The following BRIP1 variants were observed in gnomAD, a reference collection of about 807,000 sequenced individuals.
BRIP1 encodes Fanconi anemia group J protein.
BRIP1 carries 88 observed loss-of-function variants against 119.7 expected under a neutral mutation model. The ratio of observed to expected loss-of-function variants is 0.74; its 90% CI spans 0.62 to 0.88. BRIP1 has a LOEUF of 0.88. BRIP1 is among the 40% of genes least tolerant of loss of function. BRIP1 has a pLI of 0.00. For missense variants in BRIP1, 1,259 were observed against 1,455.4 expected, an observed-to-expected ratio of 0.87 and a Z score of 2.20; for synonymous variants, 443 against 496.5, an observed-to-expected ratio of 0.89 and a Z score of 1.43.
Position 61,684,037 on chromosome 17 carries a change from T to G in BRIP1, c.3009A>C (p.Ser1003=), listed in dbSNP as rs751823379. The G allele has an allele frequency of 6.2e-7, 1 of 1,613,944 alleles. No homozygotes were observed. Among genetic ancestry groups the G allele is most frequent in the Non-Finnish European group, 8.5e-7 (1 of 1,179,986 alleles). The change falls in exon 20 of 20, where the codon TCA becomes TCC. Residue 1003 remains serine (S), a synonymous_variant. Coordinates refer to ENST00000259008, the MANE Select transcript of BRIP1 (RefSeq NM_032043.3). This position sits in a 1 kb window ranked among gnomAD's most constrained non-coding sequence, Gnocchi z 4.5. ...FNKQTKRVSW[S]SFNSLGQYFT... ...AATACTGTCCCAAAGAATTAAAGCT[T>G]GACCAGCTAACTCTCTTTGTTTGTT...
chr17:61,818,431 G>C (rs1283340768), intron 6 of BRIP1, among the ~76,000 whole-genome samples: 1 of 152,128 alleles, frequency 6.6e-6, no homozygotes, highest in African/African-American at 2.4e-5. Context: ...CCAAGAACTT[G>C]TATTTGGGGC....
chr17:61,859,745 T>C, intron 3 of BRIP1, 51 bp downstream of exon 3: 1 of 1,156,294 alleles, frequency 8.6e-7, no homozygotes, highest in Non-Finnish European at 1.3e-6. Flanking sequence ...TACTGTATTA[T>C]ATTTTCTCAG....
Position 61,846,990 on chromosome 17 carries a change from T to A in BRIP1, c.627+111A>T, listed in dbSNP as rs566429695. Reference sequence around the variant, plus strand: ...TGTGACAGCATTGAGGACTTCTGAGTGGGTTGCTACTGTCCTTTGTATTAT... The same window carrying A: ...TGTGACAGCATTGAGGACTTCTGAGAGGGTTGCTACTGTCCTTTGTATTAT... On this transcript the variant is annotated intron_variant, in intron 6 of 19. Transcript: ENST00000259008. The surrounding 1 kb of genome is among the most constrained non-coding windows in gnomAD (Gnocchi z 4.3). 5.2e-5 allele frequency: 69 copies of A among 1,324,198 alleles called. 1 individual carries two copies. In the South Asian group the frequency reaches 7.9e-4, roughly 15 times the overall value. The allele number at this position is 1,324,198 out of a possible 1,614,324, so 82.0% of individuals were successfully genotyped here.
chr17:61,855,983 C>G (rs920475981), intron 4 of BRIP1, among the ~76,000 whole-genome samples: 4 of 151,950 alleles, frequency 2.6e-5, no homozygotes, highest in Admixed American at 2.0e-4. Context: ...GATGGATACC[C>G]CAAGGAAGTC....
At position 61,861,557 on chromosome 17, in the gene BRIP1, T is replaced by C; in HGVS notation, c.-18A>G. The C allele has an allele frequency of 6.4e-7, 1 of 1,550,762 alleles. No homozygotes were observed. Among genetic ancestry groups the C allele is most frequent in the Non-Finnish European group, 8.9e-7 (1 of 1,122,624 alleles). On this transcript the variant is annotated 5_prime_UTR_variant, in exon 2 of 20. Transcript: ENST00000259008. The surrounding 1 kb of genome is among the most constrained non-coding windows in gnomAD (Gnocchi z 4.5). Reference sequence around the variant, plus strand: ...GAAGACATAGTGCTTTCCTGTTTATTTCAGATTCCTAACTACAACAGAAAT... The same window carrying C: ...GAAGACATAGTGCTTTCCTGTTTATCTCAGATTCCTAACTACAACAGAAAT...
Position 61,799,351 on chromosome 17 carries a change from A to C in BRIP1, c.1141-52T>G, listed in dbSNP as rs531152838. On this transcript the variant is annotated intron_variant, in intron 8 of 19. Coordinates refer to ENST00000259008, the MANE Select transcript of BRIP1 (RefSeq NM_032043.3). The surrounding 1 kb of genome is among the most constrained non-coding windows in gnomAD (Gnocchi z 5.1). Reference sequence around the variant, plus strand: ...AAACATTTGGCAAAATAGATTTAACAACAGCAGGCAAGATATTTCATTTTA... The same window carrying C: ...AAACATTTGGCAAAATAGATTTAACCACAGCAGGCAAGATATTTCATTTTA... The C allele has an allele frequency of 7.3e-7, 1 of 1,363,034 alleles. No individual in the cohort carries two copies. The highest frequency in any genetic ancestry group is 1.0e-6 in the Non-Finnish European group (1 of 963,182). 84.4% of individuals were successfully genotyped at this position (1,363,034 alleles called of 1,614,324 possible). A position where few individuals can be genotyped will look rare whatever the true frequency, so the allele number is the denominator to read the frequency against.
rs1322892682 is a variant in BRIP1, at chr17:61,745,357, A to G, written c.2098-766T>C. Among the ~76,000 whole-genome samples the G allele has an allele frequency of 6.6e-6, 1 of 152,182 alleles. No individual in the cohort carries two copies. Among genetic ancestry groups the G allele is most frequent in the Admixed American group, 6.5e-5 (1 of 15,278 alleles). ...TGGTAGATTAAAAGTCAAGCCCAAA[A>G]CAAAAACTCATCTTGATTGATTGAT... On this transcript the variant is annotated intron_variant, in intron 14 of 19. Transcript: ENST00000259008. This position sits in a 1 kb window ranked among gnomAD's most constrained non-coding sequence, Gnocchi z 4.4.
Position 61,731,952 on chromosome 17 carries a change from C to CT in BRIP1, c.2379+11060dup, listed in dbSNP as rs1170823788. On this transcript the variant is annotated intron_variant, in intron 16 of 19. Transcript: ENST00000259008. ...GTTGCTTTATTATTCTGAATAGTTG[C>CT]TTTTTTTCTTTTCTTTCTTTCTTTC... 6.8e-5 allele frequency among the ~76,000 whole-genome samples: 9 copies of CT among 131,526 alleles called. No homozygotes were observed. In the East Asian group the frequency reaches 1.1e-3, roughly 16 times the overall value. The allele number at this position is 131,526 out of a possible 152,430, so 86.3% of individuals were successfully genotyped here.
chr17:61,773,791 T>A (rs924696245), intron 14 of BRIP1, among the ~76,000 whole-genome samples: 1 of 152,082 alleles, frequency 6.6e-6, no homozygotes, highest in African/African-American at 2.4e-5. Flanking sequence ...GAACAGACAC[T>A]TCTCAAAAGA....
intron 16 of BRIP1, among the ~76,000 whole-genome samples, chr17:61,732,276 C>T (rs7213470): frequency 0.73 from 111,610 of 151,954 alleles, 41,566 homozygotes; most frequent in Middle Eastern, 0.81. Context: ...CCACTGCACC[C>T]GGCCTATTCT....
rs1166050548 is a variant in BRIP1, at chr17:61,680,011, ATTT to A, written c.*3282_*3284del. On this transcript the variant is annotated 3_prime_UTR_variant, in exon 20 of 20. Transcript: ENST00000259008. ...TCTATGTACATTCTCAGTAATGAAA[ATTT>A]TTAACTTCAGGGAGAATTAAATTTT... 2.6e-5 allele frequency among the ~76,000 whole-genome samples: 4 copies of A among 152,036 alleles called. No individual in the cohort carries two copies. The highest frequency in any genetic ancestry group is 4.8e-5 in the African/African-American group (2 of 41,390).
chr17:61,812,753 T>C (rs1319597887), intron 6 of BRIP1, among the ~76,000 whole-genome samples: 1 of 152,168 alleles, frequency 6.6e-6, no homozygotes, highest in Non-Finnish European at 1.5e-5. Flanking sequence ...AAATTTTTCT[T>C]GTGTTTAATA....
rs567242749 is a variant in BRIP1 at position 61,810,878 on chromosome 17, T to G, written c.628-2121A>C. ...TAGAAAGGGATGCTATTATACAGTTTTACAACTAGATACTTTGTTTTCAAA... is the reference window on the plus strand; with the variant it reads ...TAGAAAGGGATGCTATTATACAGTTGTACAACTAGATACTTTGTTTTCAAA... On this transcript the variant is annotated intron_variant, in intron 6 of 19. Coordinates refer to ENST00000259008, the MANE Select transcript of BRIP1 (RefSeq NM_032043.3). The surrounding 1 kb of genome is among the most constrained non-coding windows in gnomAD (Gnocchi z 4.7). Among the ~76,000 whole-genome samples, 58 of 152,222 alleles carry G rather than the reference T, an allele frequency of 3.8e-4. No homozygotes were observed. The highest frequency in any genetic ancestry group is 3.1e-4 in the Non-Finnish European group (21 of 68,028).
rs1237101887 is a variant in BRIP1, at chr17:61,845,254, T to C, written c.627+1847A>G. Among the ~76,000 whole-genome samples the C allele has an allele frequency of 6.6e-6, 1 of 152,152 alleles. No homozygotes were observed. Among genetic ancestry groups the C allele is most frequent in the African/African-American group, 2.4e-5 (1 of 41,434 alleles). On this transcript the variant is annotated intron_variant, in intron 6 of 19. Transcript: ENST00000259008. This position sits in a 1 kb window ranked among gnomAD's most constrained non-coding sequence, Gnocchi z 4.2. ...GTGAAGATCACCAACAAAACACAAA[T>C]TAAATGTACAGTAACTGAAAACAAA...
chr17:61,728,654 A>G (rs1388851739), intron 16 of BRIP1, among the ~76,000 whole-genome samples: 1 of 152,076 alleles, frequency 6.6e-6, no homozygotes, highest in Non-Finnish European at 1.5e-5. Flanking sequence ...AGCAAGAAAC[A>G]AGAGGAAGAT....
rs544226587 is a variant in BRIP1, at chr17:61,691,990, T to C, written c.2575+1440A>G. ...CAGCGGATCTTCAACAGGGTGTCAT[T>C]GGGGATTGATATGCTTTGGTTATTT... On this transcript the variant is annotated intron_variant, in intron 18 of 19. Coordinates refer to ENST00000259008, the MANE Select transcript of BRIP1 (RefSeq NM_032043.3). This position sits in a 1 kb window ranked among gnomAD's most constrained non-coding sequence, Gnocchi z 5.0. Among the ~76,000 whole-genome samples the C allele has an allele frequency of 3.3e-5, 5 of 152,300 alleles. No homozygotes were observed. In the South Asian group the frequency reaches 8.3e-4, roughly 25 times the overall value.
chr17:61,766,877 C>G (rs1306562559), intron 14 of BRIP1, among the ~76,000 whole-genome samples: 2 of 151,978 alleles, frequency 1.3e-5, no homozygotes, highest in African/African-American at 4.8e-5. Flanking sequence ...TTTCTATTCT[C>G]TTTATATGGA....
chr17:61,714,924 C>T (rs1473320057), intron 17 of BRIP1, among the ~76,000 whole-genome samples: 2 of 151,588 alleles, frequency 1.3e-5, no homozygotes, highest in South Asian at 2.1e-4. Context: ...ACCTCAGCCT[C>T]CCGAGTAGCT....
At position 61,805,715 on chromosome 17, in the gene BRIP1, G is replaced by A. The variant is rs983636713; in HGVS notation, c.918+2752C>T. Among the ~76,000 whole-genome samples, 4 of 152,110 alleles carry A rather than the reference G, an allele frequency of 2.6e-5. No homozygotes were observed. Among genetic ancestry groups the A allele is most frequent in the Admixed American group, 1.3e-4 (2 of 15,266 alleles). ...AAAATTCTGTGATTCAGGTAAAAAC[G>A]TGTCAATCATCTTTCATACTCTCAG... On this transcript the variant is annotated intron_variant, in intron 7 of 19. Transcript: ENST00000259008. The surrounding 1 kb of genome is among the most constrained non-coding windows in gnomAD (Gnocchi z 5.6).
Sources: allele counts gnomAD v4.1 joint callset (sites outside exome capture counted in the v4.1 genomes callset), GRCh38; gene constraint gnomAD v4.1.1; non-coding constraint Gnocchi (gnomAD v3.1); transcripts MANE v1.5; gene names NCBI Gene and HGNC (gene_info 2026-07-23, HGNC 2026-07-21).